Variants in CAMKMT observed in about 807,000 individuals in gnomAD.
CAMKMT encodes calmodulin-lysine N-methyltransferase, also known as CaM KMT.
CAMKMT carries 53 observed loss-of-function variants against 48.0 expected under a neutral mutation model. The ratio of observed to expected loss-of-function variants is 1.10; its 90% confidence interval spans 0.89 to 1.39. CAMKMT has a LOEUF of 1.39. Ranked by LOEUF, CAMKMT falls within the 40% of genes most tolerant of loss-of-function variation. CAMKMT has a pLI of 0.00. For synonymous variants in CAMKMT, 165 were observed against 152.3 expected, an observed-to-expected ratio of 1.08 and a Z score of -0.61; for missense variants, 428 against 402.7, an observed-to-expected ratio of 1.06 and a Z score of -0.54.
chr2:44,716,632 G>A (rs1044529333), intron 7 of CAMKMT, among the ~76,000 whole-genome samples: 1 of 152,036 alleles, frequency 6.6e-6, no homozygotes. Context: ...AAAGAGAAAG[G>A]GTCTGCCGTT....
At chr2:44,579,847 A>G (rs1350911447) in intron 3 of CAMKMT, among the ~76,000 whole-genome samples, 2 of 152,214 alleles carry the variant, frequency 1.3e-5, no homozygotes, top group African/African-American at 2.4e-5. Flanking sequence ...GCACAAATCG[A>G]AAGTCAGACA....
intron 3 of CAMKMT, among the ~76,000 whole-genome samples, chr2:44,585,114 T>G (rs752893949): frequency 6.6e-6 from 1 of 152,100 alleles, no homozygotes; most frequent in Non-Finnish European, 1.5e-5. Flanking sequence ...AGTGCCCAGC[T>G]TTTTAAAAGG....
intron 3 of CAMKMT, among the ~76,000 whole-genome samples, chr2:44,575,032 A>G (rs569067291): frequency 1.6e-4 from 25 of 151,876 alleles, no homozygotes; most frequent in African/African-American, 5.6e-4. Context: ...CTGGGATTAC[A>G]TTGTGAGCCA....
At chr2:44,368,869 G>GTATTAT (rs888463260) in intron 1 of CAMKMT, among the ~76,000 whole-genome samples, 2 of 152,010 alleles carry the variant, frequency 1.3e-5, no homozygotes, top group African/African-American at 4.8e-5. Context: ...ATAAGACCCT[G>GTATTAT]TATTATTATT....
At chr2:44,622,839 G>A (rs900389911) in intron 3 of CAMKMT, among the ~76,000 whole-genome samples, 5 of 152,174 alleles carry the variant, frequency 3.3e-5, no homozygotes, top group Admixed American at 3.3e-4. Context: ...ATATTCCTTT[G>A]AGTATATATC....
At chr2:44,482,700 C>T (rs1375590705) in intron 3 of CAMKMT, among the ~76,000 whole-genome samples, 8 of 152,038 alleles carry the variant, frequency 5.3e-5, no homozygotes, top group Non-Finnish European at 1.0e-4. Context: ...CTAGGAGGGC[C>T]CTTTTTTTCA....
rs572959469 is a variant in CAMKMT, at chr2:44,724,728, G to A, written c.623+9375G>A. ...TCATCTTAGTGAAGATGTGACCTCA[G>A]TGGAAAGGGGAAAGTTGTATAGATA... On this transcript the variant is annotated intron_variant, in intron 7 of 10. Coordinates refer to ENST00000378494, the MANE Select transcript of CAMKMT (RefSeq NM_024766.5). Among the ~76,000 whole-genome samples, 4 of 152,296 alleles carry A rather than the reference G, an allele frequency of 2.6e-5. No homozygotes were observed. In the South Asian group the frequency reaches 6.2e-4, roughly 24 times the overall value.
At chr2:44,513,682 G>C (rs961678139) in intron 3 of CAMKMT, among the ~76,000 whole-genome samples, 2 of 152,100 alleles carry the variant, frequency 1.3e-5, no homozygotes, top group African/African-American at 4.8e-5. Flanking sequence ...TCTTGGGTAG[G>C]AGCACTGGAA....
intron 7 of CAMKMT, among the ~76,000 whole-genome samples, chr2:44,734,685 T>G (rs979888794): frequency 6.6e-6 from 1 of 152,206 alleles, no homozygotes; most frequent in African/African-American, 2.4e-5. Flanking sequence ...AGTGCTGGAT[T>G]ACAGGGATGA....
At chr2:44,395,298 T>A (rs77800252) in intron 3 of CAMKMT, among the ~76,000 whole-genome samples, 8,393 of 152,250 alleles carry the variant, frequency 0.055, 299 homozygotes, top group South Asian at 0.13. Flanking sequence ...ATATAATGCA[T>A]ATATGTAGCA....
At chr2:44,626,084 T>A (rs746185774) in intron 3 of CAMKMT, among the ~76,000 whole-genome samples, 1 of 152,230 alleles carries the variant, frequency 6.6e-6, no homozygotes, top group Admixed American at 6.5e-5. Flanking sequence ...TGGGATTGCA[T>A]TGAATTCATA....
intron 3 of CAMKMT, among the ~76,000 whole-genome samples, chr2:44,574,552 A>C (rs1003181462): frequency 1.3e-5 from 2 of 152,034 alleles, no homozygotes; most frequent in African/African-American, 4.8e-5. Context: ...GCTAGCCCTG[A>C]GAGGGGCAAT....
chr2:44,490,600 C>G (rs1263390035), intron 3 of CAMKMT, among the ~76,000 whole-genome samples: 1 of 149,874 alleles, frequency 6.7e-6, no homozygotes, highest in Non-Finnish European at 1.5e-5. Context: ...AAACTAAAAT[C>G]TCCACATATT....
intron 3 of CAMKMT, among the ~76,000 whole-genome samples, chr2:44,500,182 T>A (rs1558659165): frequency 6.6e-6 from 1 of 152,162 alleles, no homozygotes. Flanking sequence ...TAGAGTATCA[T>A]TAATCTAGTT....
chr2:44,542,341 T>G (rs1342961980), intron 3 of CAMKMT, among the ~76,000 whole-genome samples: 1 of 152,082 alleles, frequency 6.6e-6, no homozygotes, highest in Admixed American at 6.5e-5. Flanking sequence ...AAAAATCAAC[T>G]GGAAAATTCT....
intron 3 of CAMKMT, among the ~76,000 whole-genome samples, chr2:44,503,745 G>C (rs1246451715): frequency 6.6e-6 from 1 of 152,128 alleles, no homozygotes; most frequent in Admixed American, 6.6e-5. Context: ...ATCTTAGACT[G>C]CTGTGACAAA....
rs1216386304 is a variant in CAMKMT, at chr2:44,751,915, G to A, written c.699-2140G>A. On this transcript the variant is annotated intron_variant, in intron 8 of 10. Coordinates refer to ENST00000378494, the MANE Select transcript of CAMKMT (RefSeq NM_024766.5). ...ACATGGTGAGAGAGAAGGAGCAATA[G>A]AGAGAAACAGGAGGTTCTTTCAACC... Among the ~76,000 whole-genome samples, 4 of 152,112 alleles carry A rather than the reference G, an allele frequency of 2.6e-5. No homozygotes were observed. The East Asian group carries it at 7.7e-4, about 29-fold the overall frequency.
At chr2:44,368,787 TG>T (rs1678874989) in intron 1 of CAMKMT, among the ~76,000 whole-genome samples, 1 of 152,230 alleles carries the variant, frequency 6.6e-6, no homozygotes, top group Non-Finnish European at 1.5e-5. Flanking sequence ...TTTAATACTT[TG>T]TTTTTTCCTA....
chr2:44,727,723 A>C (rs1007915356), intron 7 of CAMKMT, among the ~76,000 whole-genome samples: 1 of 152,198 alleles, frequency 6.6e-6, no homozygotes, highest in African/African-American at 2.4e-5. Context: ...TTGCCCATTC[A>C]GGATGATGTT....
Sources: allele counts gnomAD v4.1 joint callset (sites outside exome capture counted in the v4.1 genomes callset), GRCh38; gene constraint gnomAD v4.1.1; transcripts MANE v1.5; gene names NCBI Gene and HGNC (gene_info 2026-07-23, HGNC 2026-07-21).